DPYD: variants seen among roughly 807,000 people sequenced by gnomAD.
The protein encoded by DPYD is dihydropyrimidine dehydrogenase, also known as dihydropyrimidine dehydrogenase [NADP(+)].
In DPYD, 109 loss-of-function variants were observed where a neutral mutation model predicts 116.2. That is an observed-to-expected ratio of 0.94 (90% CI 0.80 to 1.10). The LOEUF (loss-of-function observed/expected upper bound fraction) is 1.10. Ranked by LOEUF, DPYD falls within the 50% of genes least tolerant of loss-of-function variation. The pLI is 0.00. For synonymous variants in DPYD, 440 were observed against 432.0 expected, an observed-to-expected ratio of 1.02 and a Z score of -0.23; for missense variants, 1,302 against 1,254.5, an observed-to-expected ratio of 1.04 and a Z score of -0.57.
chr1:97,858,836 T>C (rs1670977631), intron 2 of DPYD, among the ~76,000 whole-genome samples: 1 of 152,146 alleles, frequency 6.6e-6, no homozygotes, highest in South Asian at 2.1e-4. Context: ...GCTTAATGAA[T>C]ATATACATGA....
At chr1:97,108,387 C>T (rs1651336966) in intron 20 of DPYD, among the ~76,000 whole-genome samples, 1 of 152,110 alleles carries the variant, frequency 6.6e-6, no homozygotes, top group African/African-American at 2.4e-5. Context: ...TTTTCAAATT[C>T]ACAATTAGAA....
At chr1:97,456,983 A>G (rs1405109248) in intron 13 of DPYD, among the ~76,000 whole-genome samples, 1 of 152,012 alleles carries the variant, frequency 6.6e-6, no homozygotes, top group Non-Finnish European at 1.5e-5. Flanking sequence ...TCTCATTATC[A>G]TGTGTTAGTG....
At chr1:97,282,780 C>T (rs1471099348) in intron 18 of DPYD, among the ~76,000 whole-genome samples, 1 of 152,052 alleles carries the variant, frequency 6.6e-6, no homozygotes, top group African/African-American at 2.4e-5. Flanking sequence ...TCCATGTGTA[C>T]TTAGTGTTTA....
chr1:97,297,352 C>T (rs1383919122), intron 18 of DPYD, among the ~76,000 whole-genome samples: 1 of 152,132 alleles, frequency 6.6e-6, no homozygotes, highest in Non-Finnish European at 1.5e-5. Flanking sequence ...GTTTACTATG[C>T]CCCACACTTA....
At chr1:97,534,054 A>C (rs1649825791) in intron 12 of DPYD, among the ~76,000 whole-genome samples, 1 of 152,158 alleles carries the variant, frequency 6.6e-6, no homozygotes, top group African/African-American at 2.4e-5. Context: ...CGGTGTCCTC[A>C]TAATCTAAAA....
At chr1:97,201,262 GA>G (rs1233133896) in intron 19 of DPYD, among the ~76,000 whole-genome samples, 1 of 151,904 alleles carries the variant, frequency 6.6e-6, no homozygotes, top group African/African-American at 2.4e-5. Context: ...ACTTTAACTG[GA>G]AACTAAATTT....
At chr1:97,774,085 A>T (rs186860212) in intron 3 of DPYD, among the ~76,000 whole-genome samples, 145 of 152,236 alleles carry the variant, frequency 9.5e-4, no homozygotes, top group Admixed American at 2.6e-3. Context: ...ATTCCCCACT[A>T]CCTGCCCATA....
intron 1 of DPYD, among the ~76,000 whole-genome samples, chr1:97,908,156 C>G (rs2101700575): frequency 6.6e-6 from 1 of 152,130 alleles, no homozygotes; most frequent in Middle Eastern, 3.4e-3. Context: ...AGCAATCCTC[C>G]CGCCTCAGCC....
intron 3 of DPYD, among the ~76,000 whole-genome samples, chr1:97,786,073 TA>T (rs111700704): frequency 0.056 from 7,415 of 132,602 alleles, 192 homozygotes; most frequent in Non-Finnish European, 0.068. Flanking sequence ...TCAGCCAAAT[TA>T]AAAAAAAAAA....
intron 20 of DPYD, among the ~76,000 whole-genome samples, chr1:97,146,610 C>T (rs185528016): frequency 2.4e-4 from 36 of 152,250 alleles, no homozygotes; most frequent in African/African-American, 6.7e-4. Flanking sequence ...TCTAAGAATA[C>T]GGAGAATACT....
intron 4 of DPYD, among the ~76,000 whole-genome samples, chr1:97,732,522 A>G (rs1663687147): frequency 1.3e-5 from 2 of 151,802 alleles, no homozygotes; most frequent in Admixed American, 1.3e-4. Context: ...AGTTATATAT[A>G]TATCAAAACA....
intron 11 of DPYD, among the ~76,000 whole-genome samples, chr1:97,561,774 A>C (rs1166112034): frequency 2.6e-5 from 4 of 152,118 alleles, no homozygotes; most frequent in Non-Finnish European, 4.4e-5. Context: ...AAACTCCCCC[A>C]TGTATTCATC....
At chr1:97,893,315 C>T (rs899226033) in intron 1 of DPYD, among the ~76,000 whole-genome samples, 7 of 150,810 alleles carry the variant, frequency 4.6e-5, no homozygotes, top group Non-Finnish European at 7.4e-5. Context: ...TATCATTGCC[C>T]TAAGCCCTGC....
At position 97,080,283 on chromosome 1, in the gene DPYD, A is replaced by C. The variant is rs533843349; in HGVS notation, c.2908-1137T>G. Among the ~76,000 whole-genome samples, 124 of 152,168 alleles carry C rather than the reference A, an allele frequency of 8.1e-4. 1 individual carries two copies. In the South Asian group the frequency reaches 9.1e-3, roughly 11 times the overall value. Reference sequence around the variant, plus strand: ...GGTACCCCTTGAGGCCAGGTCTACAAATCTTACATTTTCAAGGAATTGCAT... The same window carrying C: ...GGTACCCCTTGAGGCCAGGTCTACACATCTTACATTTTCAAGGAATTGCAT... On this transcript the variant is annotated intron_variant, in intron 22 of 22. Transcript: ENST00000370192.
intron 13 of DPYD, among the ~76,000 whole-genome samples, chr1:97,466,038 C>A (rs970658001): frequency 6.6e-6 from 1 of 152,096 alleles, no homozygotes; most frequent in Non-Finnish European, 1.5e-5. Flanking sequence ...GAGGAAGAGG[C>A]CGCAGTAAGC....
intron 8 of DPYD, among the ~76,000 whole-genome samples, chr1:97,636,664 CTT>C (rs1464898453): frequency 6.7e-6 from 1 of 149,414 alleles, no homozygotes; most frequent in African/African-American, 2.5e-5. Flanking sequence ...TAATAACAAA[CTT>C]TTGCTTCCCC....
At chr1:97,843,653 AG>A (rs1305550644) in intron 2 of DPYD, among the ~76,000 whole-genome samples, 2 of 152,212 alleles carry the variant, frequency 1.3e-5, no homozygotes, top group Admixed American at 1.3e-4. Context: ...TCTTTCCATA[AG>A]AAGTCAAATG....
intron 8 of DPYD, among the ~76,000 whole-genome samples, chr1:97,654,846 A>G (rs1195016666): frequency 6.6e-6 from 1 of 152,172 alleles, no homozygotes; most frequent in African/African-American, 2.4e-5. Context: ...CTGAGCTCGC[A>G]GTTCCATGTG....
intron 2 of DPYD, among the ~76,000 whole-genome samples, chr1:97,835,808 A>T (rs1408443709): frequency 6.6e-6 from 1 of 152,130 alleles, no homozygotes. Flanking sequence ...ATTGATATTT[A>T]CTATTTTGGA....
Sources: allele counts gnomAD v4.1 joint callset (sites outside exome capture counted in the v4.1 genomes callset), GRCh38; gene constraint gnomAD v4.1.1; transcripts MANE v1.5; gene names NCBI Gene and HGNC (gene_info 2026-07-23, HGNC 2026-07-21).